Variants in CNTN4 observed in about 807,000 individuals in gnomAD.
CNTN4 encodes the protein contactin-4.
In CNTN4, 77 loss-of-function variants were observed where a neutral mutation model predicts 122.5. The ratio of observed to expected loss-of-function variants is 0.63; its 90% CI spans 0.52 to 0.76. CNTN4 has a LOEUF of 0.76. Among genes scored for constraint, CNTN4 ranks in the 30% least tolerant of loss-of-function variants. The pLI is 0.00. For missense variants in CNTN4, 1,256 were observed against 1,259.1 expected (o/e 1.00, Z 0.04); for synonymous variants, 512 against 447.0 (o/e 1.15, Z -1.83).
intron 2 of CNTN4, among the ~76,000 whole-genome samples, chr3:2,177,278 A>G (rs1439526744): frequency 6.6e-6 from 1 of 152,130 alleles, no homozygotes; most frequent in Non-Finnish European, 1.5e-5. Flanking sequence ...AACATTTTCA[A>G]TGTGATTTTC....
intron 4 of CNTN4, among the ~76,000 whole-genome samples, chr3:2,681,760 A>C (rs1445247087): frequency 6.6e-6 from 1 of 152,016 alleles, no homozygotes; most frequent in Non-Finnish European, 1.5e-5. Context: ...CTCAGTTTCT[A>C]TTGCAGGTGA....
At chr3:2,196,159 T>C (rs937103401) in intron 2 of CNTN4, among the ~76,000 whole-genome samples, 2 of 152,212 alleles carry the variant, frequency 1.3e-5, no homozygotes, top group African/African-American at 4.8e-5. Flanking sequence ...GGGAACAGGC[T>C]GGAATTGATG....
chr3:2,736,186 A>G (rs759480723), intron 4 of CNTN4, 29 bp from the exon 5 acceptor site: 2 of 1,609,942 alleles, frequency 1.2e-6, no homozygotes, highest in South Asian at 2.2e-5. Flanking sequence ...GGGATTCTTC[A>G]TTTTGGACAT....
chr3:2,315,379 C>A (rs1188731735), intron 2 of CNTN4, among the ~76,000 whole-genome samples: 2 of 151,930 alleles, frequency 1.3e-5, no homozygotes, highest in Non-Finnish European at 2.9e-5. Context: ...TCATCAGTTT[C>A]CCAAACGAGA....
At chr3:2,209,203 C>A (rs947595828) in intron 2 of CNTN4, among the ~76,000 whole-genome samples, 1 of 152,132 alleles carries the variant, frequency 6.6e-6, no homozygotes, top group Non-Finnish European at 1.5e-5. Context: ...CCTCTGAGTC[C>A]TCTGCTATGT....
chr3:3,019,567 T>C (rs770168941), intron 14 of CNTN4, among the ~76,000 whole-genome samples: 23 of 151,894 alleles, frequency 1.5e-4, no homozygotes, highest in Non-Finnish European at 2.9e-4. Flanking sequence ...AGTGCTAGGA[T>C]TACAGGCATG....
At chr3:2,469,814 C>T (rs2075623167) in intron 3 of CNTN4, among the ~76,000 whole-genome samples, 1 of 152,164 alleles carries the variant, frequency 6.6e-6, no homozygotes, top group Non-Finnish European at 1.5e-5. Flanking sequence ...TTAGAATCTA[C>T]TCCCTAAGGT....
At chr3:2,914,909 T>C (rs547306865) in intron 12 of CNTN4, among the ~76,000 whole-genome samples, 4 of 152,234 alleles carry the variant, frequency 2.6e-5, no homozygotes, top group African/African-American at 9.6e-5. Flanking sequence ...CAGCAGTACA[T>C]TAAAAGGATT....
At chr3:2,478,680 A>G (rs1409700530) in intron 3 of CNTN4, among the ~76,000 whole-genome samples, 1 of 151,980 alleles carries the variant, frequency 6.6e-6, no homozygotes, top group Non-Finnish European at 1.5e-5. Flanking sequence ...GAGAACATGC[A>G]CTATTTGGTT....
intron 6 of CNTN4, among the ~76,000 whole-genome samples, chr3:2,811,687 C>T (rs112223757): frequency 2.6e-5 from 4 of 151,826 alleles, no homozygotes; most frequent in African/African-American, 7.2e-5. Flanking sequence ...TGTTTTTAGA[C>T]GGAGTCTTGC....
Position 2,743,267 on chromosome 3 carries a change from C to CA in CNTN4, c.183-2245dup, listed in dbSNP as rs796432580. On this transcript the variant is annotated intron_variant, in intron 5 of 24. Coordinates refer to ENST00000418658, the MANE Select transcript of CNTN4 (RefSeq NM_175607.3). ...ATGGTCAAGACGTGATCAGCTGACT[C>CA]AAAAAAAAAATGTCTAGGGCAGACA... 9.4e-3 allele frequency among the ~76,000 whole-genome samples: 1,391 copies of CA among 148,316 alleles called. 20 individuals carry two copies. Among genetic ancestry groups the CA allele is most frequent in the African/African-American group, 0.032 (1,283 of 40,650 alleles).
intron 14 of CNTN4, among the ~76,000 whole-genome samples, chr3:3,017,571 C>T (rs1697873900): frequency 6.6e-6 from 1 of 152,224 alleles, no homozygotes; most frequent in Admixed American, 6.5e-5. Context: ...GATTTGAGAC[C>T]TTTAAAGGAC....
chr3:2,335,794 A>G (rs996310982), intron 2 of CNTN4, among the ~76,000 whole-genome samples: 1 of 152,132 alleles, frequency 6.6e-6, no homozygotes, highest in African/African-American at 2.4e-5. Flanking sequence ...CTCAACATCA[A>G]CTGAGGTATC....
At chr3:2,346,157 C>T (rs958205749) in intron 3 of CNTN4, among the ~76,000 whole-genome samples, 6 of 152,036 alleles carry the variant, frequency 3.9e-5, no homozygotes, top group Admixed American at 3.9e-4. Context: ...GCTTTTCCAC[C>T]TTCTTCTAAA....
intron 13 of CNTN4, among the ~76,000 whole-genome samples, chr3:2,960,959 G>A (rs1038259919): frequency 2.0e-5 from 3 of 151,594 alleles, no homozygotes; most frequent in East Asian, 1.9e-4. Context: ...TGCCGGGCGC[G>A]GTGACTCACG....
At chr3:3,014,675 A>G (rs1413211829) in intron 14 of CNTN4, among the ~76,000 whole-genome samples, 1 of 150,638 alleles carries the variant, frequency 6.6e-6, no homozygotes, top group Non-Finnish European at 1.5e-5. Context: ...CTGCATTTTC[A>G]TCTCCTTTTC....
intron 13 of CNTN4, among the ~76,000 whole-genome samples, chr3:2,987,026 G>GGA (rs1293226391): frequency 3.3e-5 from 5 of 152,292 alleles, no homozygotes; most frequent in African/African-American, 1.2e-4. Flanking sequence ...CAGTGAGTTG[G>GGA]GAGAGATCTA....
intron 2 of CNTN4, among the ~76,000 whole-genome samples, chr3:2,267,647 T>C (rs2041106170): frequency 1.3e-5 from 2 of 152,128 alleles, no homozygotes; most frequent in Non-Finnish European, 2.9e-5. Context: ...TCCACTCCTT[T>C]TCCCATTTTT....
rs191155212 is a variant in CNTN4, at chr3:2,792,189, C to T, written c.359-27297C>T. On this transcript the variant is annotated intron_variant, in intron 6 of 24. Coordinates refer to ENST00000418658, the MANE Select transcript of CNTN4 (RefSeq NM_175607.3). ...AGCACTTAAGACATGGACATTCTTT[C>T]GGGGGGCCCTTATTTAACCCATATT... Among the ~76,000 whole-genome samples the T allele has an allele frequency of 2.0e-3, 298 of 152,260 alleles. 1 individual carries two copies. Among genetic ancestry groups the T allele is most frequent in the South Asian group, 6.8e-3 (33 of 4,820 alleles).
Sources: gnomAD v4.1 joint callset for allele counts (sites outside exome capture counted in the v4.1 genomes callset) on GRCh38, gnomAD v4.1.1 for gene constraint, MANE v1.5 for transcripts, NCBI Gene and HGNC (gene_info 2026-07-23, HGNC 2026-07-21) for gene names.